The following BRAF variants were observed in gnomAD, a reference collection of about 807,000 sequenced individuals.
The protein encoded by BRAF is B-Raf proto-oncogene, serine/threonine kinase.
BRAF carries 16 observed loss-of-function variants against 104.6 expected under a neutral mutation model. The observed-to-expected ratio is 0.15, with a 90% CI of 0.10 to 0.23. BRAF has a LOEUF of 0.23. Among genes scored for constraint, BRAF ranks in the 10% least tolerant of loss-of-function variants. BRAF has a pLI of 1.00. For synonymous variants in BRAF, 310 were observed against 341.6 expected (o/e 0.91, Z 1.02); for missense variants, 541 against 937.3 (o/e 0.58, Z 5.52).
chr7:140,854,960 A>C (rs1303021081), intron 1 of BRAF, among the ~76,000 whole-genome samples: 1 of 152,160 alleles, frequency 6.6e-6, no homozygotes, highest in African/African-American at 2.4e-5. Context: ...AAAAAGTAAA[A>C]GAAAATGATA....
rs1049398862 is a variant in BRAF, at chr7:140,720,803, C to T, written c.*5691G>A. On this transcript the variant is annotated 3_prime_UTR_variant, in exon 20 of 20. Transcript: ENST00000644969. Reference sequence around the variant, plus strand: ...TCAAAAACTTAACACAAAAATGCAACGCAGTAATTTTCAAAACAAAACCAG... The same window carrying T: ...TCAAAAACTTAACACAAAAATGCAATGCAGTAATTTTCAAAACAAAACCAG... 22 of 1,066,066 alleles carry T rather than the reference C, an allele frequency of 2.1e-5. No individual in the cohort carries two copies. Among genetic ancestry groups the T allele is most frequent in the Non-Finnish European group, 2.5e-5 (22 of 879,782 alleles). The allele number at this position is 1,066,066 out of a possible 1,614,324, so 66.0% of individuals were successfully genotyped here.
At chr7:140,836,494 C>T (rs572689677) in intron 2 of BRAF, among the ~76,000 whole-genome samples, 8 of 148,774 alleles carry the variant, frequency 5.4e-5, no homozygotes, top group African/African-American at 7.8e-5. Flanking sequence ...ATAAGGGGGG[C>T]GGGGAATAGT....
At chr7:140,786,197 T>C (rs1310095625) in intron 9 of BRAF, among the ~76,000 whole-genome samples, 1 of 152,186 alleles carries the variant, frequency 6.6e-6, no homozygotes, top group Non-Finnish European at 1.5e-5. Flanking sequence ...AAAAAAAAGC[T>C]TGTGTAACTA....
At chr7:140,739,568 A>C (rs1229726114) in intron 18 of BRAF, among the ~76,000 whole-genome samples, 2 of 151,874 alleles carry the variant, frequency 1.3e-5, no homozygotes, top group African/African-American at 2.4e-5. Context: ...GAGTTCAAAG[A>C]CTGAGAAGTC....
chr7:140,741,621 GCT>G (rs1796926610), intron 17 of BRAF: 2 of 152,140 alleles, frequency 1.3e-5, no homozygotes. Flanking sequence ...GACTATGGGT[GCT>G]CAGGCAGAGA....
At chr7:140,715,975 G>A (rs1795121139), downstream of BRAF, among the ~76,000 whole-genome samples, 3 of 152,202 alleles carry the variant, frequency 2.0e-5, no homozygotes, top group Admixed American at 1.3e-4. Context: ...GGAGTCAGAT[G>A]ATCTGAGTCA....
intron 19 of BRAF, chr7:140,733,793 A>AT (rs1796166879): frequency 1.8e-5 from 3 of 170,212 alleles, no homozygotes; most frequent in African/African-American, 4.8e-5. Context: ...TTCTGTGAAG[A>AT]TTTTTTGCAG....
In BRAF at chr7:140,721,666, G is replaced by A. The variant is rs961995033; in HGVS notation, c.*4828C>T. ...CCTCTTCTGGGGCTCAACTACCGAT[G>A]GGCATCAGTAATCCATCCCAGTATA... is the stretch of plus-strand genomic sequence containing the variant. On this transcript the variant is annotated 3_prime_UTR_variant, in exon 20 of 20. Coordinates refer to ENST00000644969, the MANE Select transcript of BRAF (RefSeq NM_001374258.1). The A allele has an allele frequency of 9.1e-6, 14 of 1,534,696 alleles. No individual in the cohort carries two copies. The East Asian group carries it at 1.5e-4, about 16-fold the overall frequency.
chr7:140,765,168 T>C (rs1475012441), intron 14 of BRAF, among the ~76,000 whole-genome samples: 3 of 152,180 alleles, frequency 2.0e-5, no homozygotes, highest in Admixed American at 6.5e-5. Flanking sequence ...ATCTGATCTT[T>C]GACAAACCTG....
intron 1 of BRAF, among the ~76,000 whole-genome samples, chr7:140,852,273 G>A (rs1237418723): frequency 6.6e-6 from 1 of 151,872 alleles, no homozygotes; most frequent in Non-Finnish European, 1.5e-5. Context: ...GAAGGCTGAT[G>A]TGGGAGGATT....
rs1795493005 is a variant in BRAF at position 140,724,498 on chromosome 7, G to A, written c.*1996C>T. The A allele has an allele frequency of 9.5e-7, 1 of 1,051,494 alleles. No homozygotes were observed. Among genetic ancestry groups the A allele is most frequent in the East Asian group, 5.5e-5 (1 of 18,308 alleles). The allele number at this position is 1,051,494 out of a possible 1,614,324, so 65.1% of individuals were successfully genotyped here. On this transcript the variant is annotated 3_prime_UTR_variant, in exon 20 of 20. Coordinates refer to ENST00000644969, the MANE Select transcript of BRAF (RefSeq NM_001374258.1). ...TCTGAATTTTGTAAGACACTGCCCT[G>A]CTGATGTAAAACTTAAAAACAAATT... is the stretch of plus-strand genomic sequence containing the variant.
intron 7 of BRAF, among the ~76,000 whole-genome samples, chr7:140,797,106 A>G (rs1802569410): frequency 1.3e-5 from 2 of 152,200 alleles, no homozygotes; most frequent in South Asian, 2.1e-4. Flanking sequence ...CTTTCTCCCA[A>G]TGATACCTGT....
chr7:140,794,137 C>CAG (rs1348850812), intron 8 of BRAF, among the ~76,000 whole-genome samples, 171 bp downstream of exon 8: 1 of 152,096 alleles, frequency 6.6e-6, no homozygotes, highest in Admixed American at 6.5e-5. Flanking sequence ...TTAATGTCAT[C>CAG]AGAGAGAAAC....
intron 1 of BRAF, among the ~76,000 whole-genome samples, chr7:140,893,758 C>A (rs1814547935): frequency 6.6e-6 from 1 of 151,998 alleles, no homozygotes; most frequent in Non-Finnish European, 1.5e-5. Context: ...AGAAGTTAGT[C>A]AAGGAAACAA....
At chr7:140,923,416 TAAAA>T (rs537704926) in intron 1 of BRAF, among the ~76,000 whole-genome samples, 2 of 151,872 alleles carry the variant, frequency 1.3e-5, no homozygotes, top group Non-Finnish European at 2.9e-5. Flanking sequence ...TTTTATGTAA[TAAAA>T]AAACGTAAAT....
chr7:140,878,877 A>AT (rs942245057), intron 1 of BRAF, among the ~76,000 whole-genome samples: 10 of 150,448 alleles, frequency 6.6e-5, no homozygotes, highest in Admixed American at 1.3e-4. Context: ...TTATGTATCC[A>AT]TTTTTTTTTC....
At chr7:140,888,235 T>C (rs1249607305) in intron 1 of BRAF, among the ~76,000 whole-genome samples, 7 of 152,168 alleles carry the variant, frequency 4.6e-5, no homozygotes, top group Admixed American at 1.3e-4. Flanking sequence ...GTGACACATA[T>C]AGTCAAGAGG....
At chr7:140,752,434 A>G (rs1797866232) in intron 16 of BRAF, among the ~76,000 whole-genome samples, 1 of 152,186 alleles carries the variant, frequency 6.6e-6, no homozygotes, top group Non-Finnish European at 1.5e-5. Flanking sequence ...GAAGGATATA[A>G]AGAAAATCTT....
At chr7:140,921,637 T>G (rs1432815359) in intron 1 of BRAF, among the ~76,000 whole-genome samples, 2 of 152,062 alleles carry the variant, frequency 1.3e-5, no homozygotes, top group African/African-American at 4.8e-5. Context: ...AAAGAACAGA[T>G]GGAATACACC....
Sources: gnomAD v4.1 joint callset for allele counts (sites outside exome capture counted in the v4.1 genomes callset) on GRCh38, gnomAD v4.1.1 for gene constraint, MANE v1.5 for transcripts, NCBI Gene and HGNC (gene_info 2026-07-23, HGNC 2026-07-21) for gene names.